SH3RF3: variants seen among roughly 807,000 people sequenced by gnomAD.
SH3RF3 encodes E3 ubiquitin-protein ligase SH3RF3.
SH3RF3 carries 29 observed loss-of-function variants against 66.3 expected under a neutral mutation model. That is an observed-to-expected ratio of 0.44 (90% confidence interval 0.33 to 0.60). The LOEUF (loss-of-function observed/expected upper bound fraction) is 0.60, where lower values mean the gene tolerates loss of function less well. SH3RF3 is among the 20% of genes least tolerant of loss of function. The pLI is 0.04. For synonymous variants in SH3RF3, 583 were observed against 532.0 expected (o/e 1.10, Z -1.32); for missense variants, 1,194 against 1,190.9 (o/e 1.00, Z -0.04).
At chr2:109,371,801 C>T (rs968791377) in intron 3 of SH3RF3, 120 bp downstream of exon 3, 5 of 826,936 alleles carry the variant, frequency 6.0e-6, no homozygotes, top group South Asian at 1.6e-5. Context: ...TCCACAATAG[C>T]CTCTGGCCAG....
intron 1 of SH3RF3, among the ~76,000 whole-genome samples, chr2:109,249,470 T>TTTCG (rs1491144320): frequency 1.2e-4 from 2 of 16,074 alleles, no homozygotes; most frequent in African/African-American, 1.1e-3. Context: ...TCTCTTTCTC[T>TTTCG]TTCTTTCTTT....
chr2:109,469,412 C>G (rs1400416067), intron 8 of SH3RF3, among the ~76,000 whole-genome samples: 1 of 152,146 alleles, frequency 6.6e-6, no homozygotes, highest in Non-Finnish European at 1.5e-5. Context: ...TGTTGGTTTT[C>G]CATGCATGCA....
chr2:109,368,004 A>G (rs1380414345), intron 2 of SH3RF3, among the ~76,000 whole-genome samples: 2 of 152,268 alleles, frequency 1.3e-5, no homozygotes, highest in Middle Eastern at 3.2e-3. Flanking sequence ...GCAAAGGAAC[A>G]AAAGGGGAAT....
intron 2 of SH3RF3, among the ~76,000 whole-genome samples, chr2:109,367,271 T>C (rs1486958895): frequency 1.3e-5 from 2 of 151,870 alleles, no homozygotes; most frequent in East Asian, 1.9e-4. Context: ...TCTTGTTTTC[T>C]GAATTTTTTA....
chr2:109,444,157 A>G (rs1462616838), intron 7 of SH3RF3, among the ~76,000 whole-genome samples: 1 of 152,220 alleles, frequency 6.6e-6, no homozygotes, highest in African/African-American at 2.4e-5. Flanking sequence ...TAACCCATAT[A>G]TTAAAGAACA....
At chr2:109,415,806 C>G (rs1227771784) in intron 4 of SH3RF3, among the ~76,000 whole-genome samples, 1 of 152,208 alleles carries the variant, frequency 6.6e-6, no homozygotes, top group Non-Finnish European at 1.5e-5. Flanking sequence ...TCACCACCTC[C>G]CTGCTGTGGC....
chr2:109,182,872 C>T (rs950081328), intron 1 of SH3RF3, among the ~76,000 whole-genome samples: 1 of 152,102 alleles, frequency 6.6e-6, no homozygotes, highest in Non-Finnish European at 1.5e-5. Flanking sequence ...TGCATATTGC[C>T]ATATAAAATT....
chr2:109,327,072 T>C (rs1682177541), intron 1 of SH3RF3, among the ~76,000 whole-genome samples: 1 of 152,270 alleles, frequency 6.6e-6, no homozygotes, highest in Non-Finnish European at 1.5e-5. Flanking sequence ...TTAAAAACAT[T>C]TAAATGTTGT....
At chr2:109,290,680 G>A (rs1206428398) in intron 1 of SH3RF3, among the ~76,000 whole-genome samples, 1 of 152,168 alleles carries the variant, frequency 6.6e-6, no homozygotes, top group African/African-American at 2.4e-5. Context: ...TTGGGAGCAA[G>A]GATGCAGACC....
intron 7 of SH3RF3, among the ~76,000 whole-genome samples, chr2:109,441,270 C>A (rs1677556674): frequency 6.6e-6 from 1 of 151,870 alleles, no homozygotes; most frequent in African/African-American, 2.4e-5. Context: ...AAAACTGACC[C>A]CAAATTGACA....
chr2:109,170,944 C>G (rs562851609), intron 1 of SH3RF3, among the ~76,000 whole-genome samples: 1 of 152,182 alleles, frequency 6.6e-6, no homozygotes, highest in South Asian at 2.1e-4. Flanking sequence ...GTAGCCCACA[C>G]CGGGCTGGGT....
At chr2:109,440,901 C>G (rs1315128133) in intron 7 of SH3RF3, among the ~76,000 whole-genome samples, 1 of 152,050 alleles carries the variant, frequency 6.6e-6, no homozygotes, top group East Asian at 1.9e-4. Context: ...CTAACAGTGC[C>G]CAGAATACAC....
chr2:109,447,054 G>A (rs1180172932), intron 7 of SH3RF3, among the ~76,000 whole-genome samples: 1 of 150,682 alleles, frequency 6.6e-6, no homozygotes, highest in African/African-American at 2.4e-5. Context: ...GGATCTGCGT[G>A]ATTGCCTGAC....
intron 1 of SH3RF3, among the ~76,000 whole-genome samples, chr2:109,146,718 T>A (rs1347421136): frequency 6.6e-6 from 1 of 152,100 alleles, no homozygotes; most frequent in Non-Finnish European, 1.5e-5. Flanking sequence ...GGGGGCCCCA[T>A]AGAGTCTACA....
rs745902680 is a variant in SH3RF3, at chr2:109,500,323, G to T, written c.2481-1180G>T. 1.8e-4 allele frequency among the ~76,000 whole-genome samples: 27 copies of T among 152,146 alleles called. 1 individual carries two copies. The highest frequency in any genetic ancestry group is 5.9e-4 in the Admixed American group (9 of 15,290). Reference sequence around the variant, plus strand: ...TTGGTCAGTGCCACAGCTAAGTGTTGCCAGGAGCACCTGCCACAGCCCAGA... The same window carrying T: ...TTGGTCAGTGCCACAGCTAAGTGTTTCCAGGAGCACCTGCCACAGCCCAGA... On this transcript the variant is annotated intron_variant, in intron 9 of 9. Coordinates refer to ENST00000309415, the MANE Select transcript of SH3RF3 (RefSeq NM_001099289.3).
At chr2:109,449,897 C>T (rs1448976834) in intron 8 of SH3RF3, among the ~76,000 whole-genome samples, 2 of 152,192 alleles carry the variant, frequency 1.3e-5, no homozygotes, top group Admixed American at 1.3e-4. Context: ...GCACCCACTC[C>T]CTTCAATATG....
intron 8 of SH3RF3, among the ~76,000 whole-genome samples, chr2:109,470,029 T>G (rs1324236299): frequency 1.3e-5 from 2 of 152,162 alleles, no homozygotes; most frequent in African/African-American, 4.8e-5. Flanking sequence ...ATTTCACTCT[T>G]CGTGCGTCCT....
chr2:109,431,175 G>A (rs959450867), intron 5 of SH3RF3, among the ~76,000 whole-genome samples: 1 of 152,302 alleles, frequency 6.6e-6, no homozygotes, highest in East Asian at 1.9e-4. Context: ...CAATGGTGGG[G>A]TCTATGAGCT....
chr2:109,273,434 GGA>G (rs1680673219), intron 1 of SH3RF3, among the ~76,000 whole-genome samples: 2 of 152,258 alleles, frequency 1.3e-5, no homozygotes, highest in African/African-American at 4.8e-5. Flanking sequence ...CCTGCCCCCA[GGA>G]GGTGTGCGGG....
Sources: gnomAD v4.1 joint callset for allele counts (sites outside exome capture counted in the v4.1 genomes callset) on GRCh38, gnomAD v4.1.1 for gene constraint, MANE v1.5 for transcripts, NCBI Gene and HGNC (gene_info 2026-07-23, HGNC 2026-07-21) for gene names.